The following NEBL variants were observed in gnomAD, a reference collection of about 807,000 sequenced individuals.
NEBL encodes the protein nebulette.
NEBL carries 122 observed loss-of-function variants against 140.2 expected under a neutral mutation model. That is an observed-to-expected ratio of 0.87 (90% CI 0.75 to 1.01). The LOEUF is 1.01. NEBL is among the 50% of genes least tolerant of loss of function. The pLI, the probability that NEBL is intolerant of heterozygous loss-of-function variation, is 0.00. For missense variants in NEBL, 1,365 were observed against 1,231.3 expected, an observed-to-expected ratio of 1.11 and a Z score of -1.62; for synonymous variants, 436 against 398.9, an observed-to-expected ratio of 1.09 and a Z score of -1.11.
chr10:20,863,839 G>A (rs1843983432), intron 7 of NEBL, among the ~76,000 whole-genome samples: 1 of 152,148 alleles, frequency 6.6e-6, no homozygotes, highest in African/African-American at 2.4e-5. Context: ...GTAAAGAAGA[G>A]GAGAGAATAA....
intron 3 of NEBL, among the ~76,000 whole-genome samples, chr10:21,235,737 A>C (rs80076817): frequency 0.026 from 3,909 of 152,296 alleles, 155 homozygotes; most frequent in African/African-American, 0.087. Context: ...AAACTTGATA[A>C]CATTCTTATA....
chr10:20,995,650 A>T (rs949109307), intron 3 of NEBL, among the ~76,000 whole-genome samples: 1 of 152,166 alleles, frequency 6.6e-6, no homozygotes, highest in African/African-American at 2.4e-5. Flanking sequence ...ATATTTTTGT[A>T]AACTGTTGCT....
intron 4 of NEBL, among the ~76,000 whole-genome samples, chr10:20,918,334 G>C (rs1227384140): frequency 6.6e-6 from 1 of 151,980 alleles, no homozygotes; most frequent in Admixed American, 6.6e-5. Context: ...CTCCAGCCTG[G>C]GTAACAGAGC....
chr10:21,179,513 A>G (rs1301874291), upstream of NEBL, among the ~76,000 whole-genome samples: 1 of 151,934 alleles, frequency 6.6e-6, no homozygotes, highest in Non-Finnish European at 1.5e-5. Flanking sequence ...CATCCCCTTA[A>G]GAACTCCAGC....
At chr10:21,220,609 C>T (rs1842053827) in intron 3 of NEBL, among the ~76,000 whole-genome samples, 2 of 152,076 alleles carry the variant, frequency 1.3e-5, no homozygotes, top group South Asian at 2.1e-4. Context: ...CTGGATGTTA[C>T]CCCAAAAGCA....
intron 2 of NEBL, among the ~76,000 whole-genome samples, chr10:21,131,567 A>T (rs1839107002): frequency 6.6e-6 from 1 of 152,196 alleles, no homozygotes; most frequent in Non-Finnish European, 1.5e-5. Flanking sequence ...AGCTGGAGAA[A>T]AGCACAGGAC....
At chr10:21,052,689 A>C (rs491386) in intron 2 of NEBL, among the ~76,000 whole-genome samples, 2 of 151,996 alleles carry the variant, frequency 1.3e-5, no homozygotes. Flanking sequence ...TGAAATCACC[A>C]ACACTCAGGA....
intron 3 of NEBL, among the ~76,000 whole-genome samples, chr10:21,203,394 T>G (rs1297998231): frequency 6.6e-6 from 1 of 152,198 alleles, no homozygotes; most frequent in Non-Finnish European, 1.5e-5. Context: ...GACTGAGAAA[T>G]TGCTTTTATA....
chr10:21,135,360 T>C (rs1262807795), intron 2 of NEBL, among the ~76,000 whole-genome samples: 1 of 152,010 alleles, frequency 6.6e-6, no homozygotes, highest in Non-Finnish European at 1.5e-5. Context: ...ATCCGTATCC[T>C]CCAAAGGGCT....
At chr10:21,219,040 C>T (rs760147235) in intron 3 of NEBL, among the ~76,000 whole-genome samples, 2 of 152,158 alleles carry the variant, frequency 1.3e-5, no homozygotes, top group African/African-American at 2.4e-5. Context: ...ATTCTCATTG[C>T]CTTCAGCTCA....
chr10:20,782,894 T>C lies in NEBL; in HGVS notation c.*2853A>G, dbSNP rs1358048635. ...TTACAACAAAAGCAATATATTCTGT[T>C]GCTATACTTTGCTCAAGAGAGAGAG... is the stretch of plus-strand genomic sequence containing the variant. On this transcript the variant is annotated 3_prime_UTR_variant, in exon 28 of 28. Transcript: ENST00000377122. 2 of 152,784 alleles carry C rather than the reference T, an allele frequency of 1.3e-5. No individual in the cohort carries two copies. Among genetic ancestry groups the C allele is most frequent in the South Asian group, 2.1e-4 (1 of 4,824 alleles). The allele number at this position is 152,784 out of a possible 1,614,324, so 9.5% of individuals were successfully genotyped here.
At chr10:21,223,688 C>T (rs950774651) in intron 3 of NEBL, among the ~76,000 whole-genome samples, 1 of 152,182 alleles carries the variant, frequency 6.6e-6, no homozygotes, top group Non-Finnish European at 1.5e-5. Flanking sequence ...GTTCCCTTTT[C>T]TCCATGTCCT....
At chr10:20,883,199 C>G (rs1344237877) in intron 4 of NEBL, among the ~76,000 whole-genome samples, 1 of 152,128 alleles carries the variant, frequency 6.6e-6, no homozygotes, top group African/African-American at 2.4e-5. Flanking sequence ...ATCCACGGAC[C>G]ACAACATTTT....
chr10:21,230,187 G>T (rs534651645), intron 3 of NEBL, among the ~76,000 whole-genome samples: 8 of 152,152 alleles, frequency 5.3e-5, no homozygotes, highest in South Asian at 2.1e-4. Flanking sequence ...CATGTGAGGG[G>T]GTCTAAAGAA....
intron 2 of NEBL, among the ~76,000 whole-genome samples, chr10:21,045,269 T>C (rs149359593): frequency 7.9e-4 from 121 of 152,356 alleles, no homozygotes; most frequent in African/African-American, 2.9e-3. Flanking sequence ...AATCTGACCA[T>C]TCAAGTATTG....
At chr10:21,054,320 C>T (rs964970748) in intron 2 of NEBL, among the ~76,000 whole-genome samples, 1 of 152,046 alleles carries the variant, frequency 6.6e-6, no homozygotes, top group African/African-American at 2.4e-5. Context: ...AAGGTAGAGC[C>T]AGGCCAAATC....
At position 20,918,007 on chromosome 10, in the gene NEBL, G is replaced by C. The variant is rs188941623; in HGVS notation, c.357+43665C>G. Among the ~76,000 whole-genome samples, 433 of 152,234 alleles carry C rather than the reference G, an allele frequency of 2.8e-3. 3 individuals carry two copies. The highest frequency in any genetic ancestry group is 2.6e-3 in the Non-Finnish European group (177 of 68,010). On this transcript the variant is annotated intron_variant, in intron 4 of 6. Coordinates refer to the NEBL transcript ENST00000417816. ...ACAGGATCCAAAATGATATATGCAT[G>C]ACACAATGAAAATAGTGGCTGAAAT...
chr10:21,228,125 G>A (rs1332968230), intron 3 of NEBL, among the ~76,000 whole-genome samples: 3 of 150,298 alleles, frequency 2.0e-5, no homozygotes, highest in East Asian at 3.9e-4. Flanking sequence ...TTTTTTTTTC[G>A]AGTTGTTGTT....
chr10:20,858,980 T>A (rs1405821707), intron 8 of NEBL, among the ~76,000 whole-genome samples: 1 of 152,162 alleles, frequency 6.6e-6, no homozygotes, highest in African/African-American at 2.4e-5. Context: ...ATCCAAGCAA[T>A]CTGACTCCAA....
Sources: allele counts gnomAD v4.1 joint callset (sites outside exome capture counted in the v4.1 genomes callset), GRCh38; gene constraint gnomAD v4.1.1; transcripts MANE v1.5; gene names NCBI Gene and HGNC (gene_info 2026-07-23, HGNC 2026-07-21).